Variants in PIAS4 observed in about 807,000 individuals in gnomAD.
PIAS4 encodes E3 SUMO-protein ligase PIAS4.
In PIAS4, 7 loss-of-function variants were observed where a neutral mutation model predicts 58.0. The ratio of observed to expected loss-of-function variants is 0.12; its 90% CI spans 0.07 to 0.23. The LOEUF (loss-of-function observed/expected upper bound fraction) is 0.23, where lower values mean the gene tolerates loss of function less well. Among genes scored for constraint, PIAS4 ranks in the 10% least tolerant of loss-of-function variants. PIAS4 has a pLI of 1.00. For missense variants in PIAS4, 550 were observed against 709.5 expected, an observed-to-expected ratio of 0.78 and a Z score of 2.55; for synonymous variants, 364 against 312.4, an observed-to-expected ratio of 1.17 and a Z score of -1.74.
At chr19:4,015,756 C>T (rs2040046270) in intron 2 of PIAS4, among the ~76,000 whole-genome samples, 1 of 152,228 alleles carries the variant, frequency 6.6e-6, no homozygotes, top group Admixed American at 6.5e-5. Context: ...CCCTCACTCC[C>T]TCCTCTGGCT....
At chr19:4,034,246 C>A (rs545828848) in intron 9 of PIAS4, among the ~76,000 whole-genome samples, 1 of 152,258 alleles carries the variant, frequency 6.6e-6, no homozygotes, top group Admixed American at 6.5e-5. Flanking sequence ...GGCGCCCTCA[C>A]AGGCGGGAGC....
chr19:4,032,981 A>C, intron 7 of PIAS4, 119 bp from the exon 8 acceptor site: 1 of 776,036 alleles, frequency 1.3e-6, no homozygotes, highest in Non-Finnish European at 2.2e-6. Flanking sequence ...GAAGCTTGGG[A>C]CTCATCGTCA....
intron 4 of PIAS4, 97 bp from the exon 5 acceptor site, chr19:4,028,413 C>T (rs1186453725): frequency 4.2e-6 from 4 of 942,528 alleles, no homozygotes; most frequent in East Asian, 5.2e-5. Context: ...CCGGTGCCCC[C>T]ATCACTGCCG....
chr19:4,034,346 T>G (rs2040254663), intron 9 of PIAS4, among the ~76,000 whole-genome samples: 1 of 152,176 alleles, frequency 6.6e-6, no homozygotes, highest in Admixed American at 6.5e-5. Context: ...GGCCTGCCTC[T>G]GGGGTTGTAG....
Position 4,027,525 on chromosome 19 carries a change from G to A in PIAS4, c.540-621G>A, listed in dbSNP as rs1201054901. ...ATAGACTTTTTCCTCTTCTTCTGGG[G>A]GCGTTTCTTGTTAAAGTTTATCCTC... On this transcript the variant is annotated intron_variant, in intron 3 of 10. Coordinates refer to ENST00000262971, the MANE Select transcript of PIAS4 (RefSeq NM_015897.4). Among the ~76,000 whole-genome samples, 2 of 151,942 alleles carry A rather than the reference G, an allele frequency of 1.3e-5. 1 individual carries two copies. The highest frequency in any genetic ancestry group is 4.1e-4 in the South Asian group (2 of 4,822).
At chr19:4,028,221 G>T in intron 4 of PIAS4, 34 bp downstream of exon 4, 1 of 1,594,770 alleles carries the variant, frequency 6.3e-7, no homozygotes, top group Non-Finnish European at 8.5e-7. Flanking sequence ...CCCAGGGCTG[G>T]ACCCCCAGCC....
rs904056587 is a variant in PIAS4, at chr19:4,013,856, G to C, written c.454+507G>C. On this transcript the variant is annotated intron_variant, in intron 2 of 10. Coordinates refer to ENST00000262971, the MANE Select transcript of PIAS4 (RefSeq NM_015897.4). The surrounding 1 kb of genome is among the most constrained non-coding windows in gnomAD (Gnocchi z 5.1). ...TAGGGTAGCGAGTGTGCACCTCCAA[G>C]CTGGGAGCTGGAGCCCTTTTTATAA... Among the ~76,000 whole-genome samples, 1 of 152,272 alleles carries C rather than the reference G, an allele frequency of 6.6e-6. No homozygotes were observed. Among genetic ancestry groups the C allele is most frequent in the Admixed American group, 6.5e-5 (1 of 15,300 alleles).
chr19:4,023,852 G>A (rs897343682), intron 2 of PIAS4, among the ~76,000 whole-genome samples, 184 bp from the exon 3 acceptor site: 53 of 152,236 alleles, frequency 3.5e-4, no homozygotes, highest in Non-Finnish European at 2.2e-4. Context: ...CCCGAGAAGG[G>A]GATGGGCGGG....
At position 4,028,502 on chromosome 19, in the gene PIAS4, C is replaced by T. The variant is rs371052670; in HGVS notation, c.582-8C>T. 28 of 1,608,614 alleles carry T rather than the reference C, an allele frequency of 1.7e-5. No homozygotes were observed. The highest frequency in any genetic ancestry group is 3.3e-4 in the Middle Eastern group (2 of 6,080). On this transcript the variant is annotated splice_region_variant and splice_polypyrimidine_tract_variant and intron_variant, in intron 4 of 10. Coordinates refer to ENST00000262971, the MANE Select transcript of PIAS4 (RefSeq NM_015897.4). ...CTCCCCGCCCCATGGTCCCTGTTGT[C>T]GTTGCAGAATCTGTTACTCAGACAC...
chr19:4,028,003 A>C, intron 3 of PIAS4, 143 bp from the exon 4 acceptor site: 1 of 835,446 alleles, frequency 1.2e-6, no homozygotes, highest in Non-Finnish European at 2.1e-6. Flanking sequence ...CAGCCCGTAC[A>C]AAAGAGTCCT....
At position 4,037,750 on chromosome 19, in the gene PIAS4, C is replaced by G; in HGVS notation, c.1408C>G (p.Leu470Val). 1 of 1,610,254 alleles carries G rather than the reference C, an allele frequency of 6.2e-7. No homozygotes were observed. Among genetic ancestry groups the G allele is most frequent in the Non-Finnish European group, 8.5e-7 (1 of 1,178,820 alleles). ...KPGADVVDLT[L>V]DSSSSSEDEE... ...GGGCGCCGATGTGGTGGACCTCACG[C>G]TGGACAGCTCATCGTCCTCGGAGGA... The change falls in exon 11 of 11, where the codon CTG becomes GTG. Residue 470 changes from leucine to valine, a missense_variant. By Grantham distance (32) the Leu-to-Val change is conservative (BLOSUM62 1). Coordinates refer to ENST00000262971, the MANE Select transcript of PIAS4 (RefSeq NM_015897.4). This position sits in a 1 kb window ranked among gnomAD's most constrained non-coding sequence, Gnocchi z 5.8.
At chr19:4,014,792 C>T (rs1205130482) in intron 2 of PIAS4, among the ~76,000 whole-genome samples, 1 of 152,214 alleles carries the variant, frequency 6.6e-6, no homozygotes. Flanking sequence ...GCCCCCGCTC[C>T]CCTGCCCAGG....
At chr19:4,032,280 C>T (rs1798547231) in intron 7 of PIAS4, among the ~76,000 whole-genome samples, 1 of 152,118 alleles carries the variant, frequency 6.6e-6, no homozygotes, top group Non-Finnish European at 1.5e-5. Context: ...GAGGAAGCAA[C>T]ACTGGTCCAC....
intron 2 of PIAS4, among the ~76,000 whole-genome samples, chr19:4,015,058 T>C (rs2040037937): frequency 6.6e-6 from 1 of 152,202 alleles, no homozygotes; most frequent in Non-Finnish European, 1.5e-5. Flanking sequence ...AGCAGCAGCC[T>C]CCTGGGGAGC....
At chr19:4,007,882 A>G (rs2039958128) in intron 1 of PIAS4, 95 bp downstream of exon 1, 10 of 982,418 alleles carry the variant, frequency 1.0e-5, no homozygotes, top group Non-Finnish European at 1.3e-5. Context: ...CCGGGGCCCC[A>G]CAGCGCGGCC....
rs532189091 is a variant in PIAS4, at chr19:4,034,666, C to T, written c.1142+1086C>T. Among the ~76,000 whole-genome samples, 6 of 152,322 alleles carry T rather than the reference C, an allele frequency of 3.9e-5. No individual in the cohort carries two copies. In the South Asian group the frequency reaches 1.2e-3, roughly 32 times the overall value. On this transcript the variant is annotated intron_variant, in intron 9 of 10. Transcript: ENST00000262971. ...CCTGACAGCTGTGCAGCCGGGTGCC[C>T]GCCTTCCCCCACAGGCCCGGAGTGG...
At position 4,013,197 on chromosome 19, in the gene PIAS4, T is replaced by C; in HGVS notation, c.302T>C (p.Leu101Pro). 1 of 1,613,536 alleles carries C rather than the reference T, an allele frequency of 6.2e-7. No individual in the cohort carries two copies. ...GCCGGCGCTGTGCCCAGGACTCCGC[T>C]GGCAGGCCCCAATATTGACTACCCC... ...DRAGAVPRTP[L>P]AGPNIDYPVL... is the part of the protein sequence containing the mutation. Residue 101 changes from leucine (L) to proline (P), a missense_variant, in exon 2 of 11, where the codon CTG (leucine) becomes CCG (proline). Transcript: ENST00000262971. This position sits in a 1 kb window ranked among gnomAD's most constrained non-coding sequence, Gnocchi z 5.1.
At chr19:4,012,430 CTG>C (rs779178660) in intron 1 of PIAS4, among the ~76,000 whole-genome samples, 6 of 152,172 alleles carry the variant, frequency 3.9e-5, no homozygotes, top group Middle Eastern at 3.4e-3. Context: ...ACTAAGTAAA[CTG>C]TGGCTACCGT....
chr19:4,013,181 G>T lies in PIAS4; in HGVS notation c.286G>T (p.Val96Leu), dbSNP rs1599215420. The change falls in exon 2 of 11, where the codon GTG (valine) becomes TTG (leucine). Residue 96 changes from valine to leucine, a missense_variant. Around this residue, in one of 4 missense-constraint regions of PIAS4, gnomAD observed 95 missense variants for 87.5 expected, o/e 1.09. Coordinates refer to ENST00000262971, the MANE Select transcript of PIAS4 (RefSeq NM_015897.4). The surrounding 1 kb of genome is among the most constrained non-coding windows in gnomAD (Gnocchi z 5.1). ...CTCCACCTACGACCGGGCCGGCGCT[G>T]TGCCCAGGACTCCGCTGGCAGGCCC... ...MHSTYDRAGA[V>L]PRTPLAGPNI... The T allele has an allele frequency of 6.2e-7, 1 of 1,613,500 alleles. No homozygotes were observed. Among genetic ancestry groups the T allele is most frequent in the East Asian group, 2.2e-5 (1 of 44,880 alleles).
Sources: allele counts gnomAD v4.1 joint callset (sites outside exome capture counted in the v4.1 genomes callset), GRCh38; gene constraint gnomAD v4.1.1; regional missense constraint gnomAD v4.1.1; non-coding constraint Gnocchi (gnomAD v3.1); transcripts MANE v1.5; gene names NCBI Gene and HGNC (gene_info 2026-07-23, HGNC 2026-07-21).